GPM6A: variants seen among roughly 807,000 people sequenced by gnomAD.
The protein encoded by GPM6A is neuronal membrane glycoprotein M6-a.
A neutral mutation model predicts 32.1 loss-of-function variants in GPM6A; 7 were observed. That is an observed-to-expected ratio of 0.22 (90% CI 0.12 to 0.41). The LOEUF (loss-of-function observed/expected upper bound fraction) is 0.41, where lower values mean the gene tolerates loss of function less well. Among genes scored for constraint, GPM6A ranks in the 10% least tolerant of loss-of-function variants. The pLI is 1.00. For missense variants in GPM6A, 235 were observed against 347.2 expected (o/e 0.68, Z 2.57); for synonymous variants, 130 against 123.4 (o/e 1.05, Z -0.35).
At chr4:175,748,072 A>C (rs1732178774) in intron 1 of GPM6A, among the ~76,000 whole-genome samples, 3 of 152,174 alleles carry the variant, frequency 2.0e-5, no homozygotes, top group South Asian at 2.1e-4. Context: ...TCACATCTTC[A>C]GGCTCCATTT....
chr4:175,826,128 C>G (rs1330574373), intron 1 of GPM6A, among the ~76,000 whole-genome samples: 1 of 151,962 alleles, frequency 6.6e-6, no homozygotes. Context: ...TCAATGCATT[C>G]CAGCCTGGGT....
intron 3 of GPM6A, among the ~76,000 whole-genome samples, chr4:175,660,428 A>C (rs919397794): frequency 6.6e-6 from 1 of 152,254 alleles, no homozygotes; most frequent in South Asian, 2.1e-4. Flanking sequence ...TCTACAACCA[A>C]GTATGGCACT....
intron 1 of GPM6A, among the ~76,000 whole-genome samples, chr4:175,965,443 T>A (rs534555734): frequency 6.6e-5 from 10 of 151,724 alleles, no homozygotes; most frequent in Admixed American, 3.3e-4. Context: ...TTAATTAAAG[T>A]AGAATACAAG....
At chr4:175,921,373 T>A (rs1738659512) in intron 1 of GPM6A, among the ~76,000 whole-genome samples, 1 of 152,208 alleles carries the variant, frequency 6.6e-6, no homozygotes, top group Non-Finnish European at 1.5e-5. Flanking sequence ...TATGCACTTT[T>A]TCCAATTCAT....
At chr4:175,798,787 T>C (rs1734340295) in intron 1 of GPM6A, 1 of 152,060 alleles carries the variant, frequency 6.6e-6, no homozygotes, top group Non-Finnish European at 1.5e-5. Flanking sequence ...ACAATTGAAA[T>C]GTAAAGATAT....
At chr4:175,660,370 C>A (rs1220500651) in intron 3 of GPM6A, among the ~76,000 whole-genome samples, 2 of 150,056 alleles carry the variant, frequency 1.3e-5, no homozygotes, top group Non-Finnish European at 3.0e-5. Flanking sequence ...GGTGAGAGAG[C>A]AAGACTCCAT....
chr4:175,987,573 A>G (rs934550302), intron 1 of GPM6A, among the ~76,000 whole-genome samples: 9 of 151,286 alleles, frequency 5.9e-5, no homozygotes, highest in African/African-American at 2.2e-4. Flanking sequence ...TATTAATTGA[A>G]TACTTTCTCC....
chr4:175,880,602 C>T (rs942409599), intron 1 of GPM6A, among the ~76,000 whole-genome samples: 4 of 152,196 alleles, frequency 2.6e-5, no homozygotes, highest in African/African-American at 9.7e-5. Flanking sequence ...AGGGCCTTCA[C>T]ATCCCTTGCA....
At chr4:175,982,010 C>CT (rs1740834563) in intron 1 of GPM6A, among the ~76,000 whole-genome samples, 1 of 152,042 alleles carries the variant, frequency 6.6e-6, no homozygotes, top group Non-Finnish European at 1.5e-5. Flanking sequence ...TCTCTACTGA[C>CT]TAATAATATT....
At chr4:175,782,976 G>GT (rs1560930611) in intron 1 of GPM6A, among the ~76,000 whole-genome samples, 10 of 151,682 alleles carry the variant, frequency 6.6e-5, no homozygotes, top group Admixed American at 1.3e-4. Flanking sequence ...ATTTATTGTT[G>GT]TAAGTTATTA....
intron 1 of GPM6A, among the ~76,000 whole-genome samples, chr4:175,755,959 C>T (rs1732507180): frequency 6.6e-6 from 1 of 151,936 alleles, no homozygotes; most frequent in South Asian, 2.1e-4. Flanking sequence ...GAAAGGCAAA[C>T]CAAAAAAGGC....
chr4:175,685,168 C>A (rs895534810), intron 2 of GPM6A, among the ~76,000 whole-genome samples: 1 of 152,156 alleles, frequency 6.6e-6, no homozygotes, highest in Non-Finnish European at 1.5e-5. Context: ...GGATTACAGA[C>A]GTGAGCCACC....
intron 1 of GPM6A, among the ~76,000 whole-genome samples, chr4:175,943,716 C>A (rs1739491646): frequency 6.6e-6 from 1 of 152,122 alleles, no homozygotes; most frequent in African/African-American, 2.4e-5. Flanking sequence ...AGCCTTACAT[C>A]CCAGGGATGA....
At chr4:175,729,322 C>T (rs147262451) in intron 1 of GPM6A, among the ~76,000 whole-genome samples, 2 of 152,036 alleles carry the variant, frequency 1.3e-5, no homozygotes, top group Non-Finnish European at 2.9e-5. Context: ...TTATAGAAAC[C>T]ATCAGATTAG....
At chr4:175,697,066 A>T (rs1324365397) in intron 2 of GPM6A, among the ~76,000 whole-genome samples, 1 of 152,200 alleles carries the variant, frequency 6.6e-6, no homozygotes, top group Non-Finnish European at 1.5e-5. Context: ...AAAAATTAAT[A>T]AAATTTTGAA....
At chr4:175,972,936 A>G (rs990583447) in intron 1 of GPM6A, among the ~76,000 whole-genome samples, 2 of 152,208 alleles carry the variant, frequency 1.3e-5, no homozygotes, top group Non-Finnish European at 2.9e-5. Context: ...GCATAAACTG[A>G]GTGCTCACTA....
intron 1 of GPM6A, among the ~76,000 whole-genome samples, chr4:175,771,786 A>G (rs1415818748): frequency 6.6e-6 from 1 of 152,132 alleles, no homozygotes; most frequent in East Asian, 1.9e-4. Context: ...ATGATGTGCA[A>G]TGGGTGGTGA....
At chr4:175,641,174 C>G (rs1237899678) in intron 4 of GPM6A, 3 of 244,564 alleles carry the variant, frequency 1.2e-5, no homozygotes, top group Non-Finnish European at 7.9e-6. Flanking sequence ...ATGCCCCAGA[C>G]TGTGCTGAAG....
chr4:175,751,566 A>G (rs540080848), intron 1 of GPM6A, among the ~76,000 whole-genome samples: 1 of 152,244 alleles, frequency 6.6e-6, no homozygotes, highest in African/African-American at 2.4e-5. Flanking sequence ...CACCTGTATT[A>G]ACTTGGGGTT....
Sources: gnomAD v4.1 joint callset for allele counts (sites outside exome capture counted in the v4.1 genomes callset) on GRCh38, gnomAD v4.1.1 for gene constraint, MANE v1.5 for transcripts, NCBI Gene and HGNC (gene_info 2026-07-23, HGNC 2026-07-21) for gene names.